The following LIPH variants were observed in gnomAD, a reference collection of about 807,000 sequenced individuals.
LIPH encodes lipase H, also known as lipase member H.
Under a neutral mutation model 47.6 loss-of-function variants are expected in LIPH, and 32 were observed. That is an observed-to-expected ratio of 0.67 (90% CI 0.51 to 0.90). The LOEUF (loss-of-function observed/expected upper bound fraction) is 0.90. LIPH is among the 40% of genes least tolerant of loss of function. The pLI is 0.00. For missense variants in LIPH, 497 were observed against 541.4 expected (o/e 0.92, Z 0.81); for synonymous variants, 190 against 195.6 (o/e 0.97, Z 0.24).
chr3:185,532,123 G>C (rs1193031230), intron 3 of LIPH, among the ~76,000 whole-genome samples: 1 of 152,146 alleles, frequency 6.6e-6, no homozygotes, highest in Non-Finnish European at 1.5e-5. Context: ...CCCCTCCCCA[G>C]GACAGACACC....
chr3:185,509,946 C>G (rs374752753), intron 9 of LIPH, among the ~76,000 whole-genome samples: 1 of 118,454 alleles, frequency 8.4e-6, no homozygotes, highest in East Asian at 2.5e-4. Context: ...TTTTTGTTTT[C>G]TTTTTTTTTT....
At position 185,507,356 on chromosome 3, in the gene LIPH, C is replaced by CAAAAA. The variant is rs564682297; in HGVS notation, c.*1429_*1433dup. The stretch of plus-strand genomic sequence containing the variant: ...CATTGCACTCCAGCCTAGGCAACTC[C>CAAAAA]AAAAAAAAAAAAAGAGAGAGAGAGT... On this transcript the variant is annotated 3_prime_UTR_variant, in exon 10 of 10. Coordinates refer to ENST00000296252, the MANE Select transcript of LIPH (RefSeq NM_139248.3). 7.8e-6 allele frequency: 1 copy of CAAAAA among 128,584 alleles called. No individual in the cohort carries two copies. 8.0% of individuals were successfully genotyped at this position (128,584 alleles called of 1,614,324 possible).
At chr3:185,513,721 T>G (rs1719639490) in intron 8 of LIPH, among the ~76,000 whole-genome samples, 1 of 152,122 alleles carries the variant, frequency 6.6e-6, no homozygotes, top group Non-Finnish European at 1.5e-5. Flanking sequence ...TATATGCATA[T>G]AATCAAATAT....
intron 1 of LIPH, among the ~76,000 whole-genome samples, chr3:185,538,971 T>A (rs186646568): frequency 1.2e-4 from 17 of 147,188 alleles, no homozygotes; most frequent in African/African-American, 2.5e-4. Flanking sequence ...ATATATATTT[T>A]TTTTTATTTT....
chr3:185,533,440 T>C, intron 3 of LIPH, 131 bp downstream of exon 3: 1 of 740,598 alleles, frequency 1.4e-6, no homozygotes. Context: ...TTGCATGCAA[T>C]GACCCACACT....
At chr3:185,545,094 G>A (rs999836484) in intron 1 of LIPH, among the ~76,000 whole-genome samples, 1 of 152,190 alleles carries the variant, frequency 6.6e-6, no homozygotes, top group Non-Finnish European at 1.5e-5. Context: ...CACAGAACAT[G>A]TTAAACTGGT....
At position 185,527,470 on chromosome 3, in the gene LIPH, G is replaced by T. The variant is rs369462467; in HGVS notation, c.628+14C>A. The T allele has an allele frequency of 6.3e-7, 1 of 1,579,744 alleles. No individual in the cohort carries two copies. Among genetic ancestry groups the T allele is most frequent in the South Asian group, 1.1e-5 (1 of 90,270 alleles). ...CCTGGCGGTGTCACTGACCCACAAGGAAAGGAGCGTTACCATCAGTGTCGG... is the reference window on the plus strand; with the variant it reads ...CCTGGCGGTGTCACTGACCCACAAGTAAAGGAGCGTTACCATCAGTGTCGG... On this transcript the variant is annotated intron_variant, in intron 4 of 9. Coordinates refer to ENST00000296252, the MANE Select transcript of LIPH (RefSeq NM_139248.3).
chr3:185,543,071 T>C (rs1021374702), intron 1 of LIPH, among the ~76,000 whole-genome samples: 1 of 152,042 alleles, frequency 6.6e-6, no homozygotes, highest in African/African-American at 2.4e-5. Flanking sequence ...TAGCTAGGCA[T>C]GGTTGTACAA....
In LIPH at chr3:185,524,079, A is replaced by G. The variant is rs1719988913; in HGVS notation, c.710T>C (p.Ile237Thr). The G allele has an allele frequency of 1.9e-6, 3 of 1,611,074 alleles. No homozygotes were observed. The East Asian group carries it at 6.7e-5, about 36-fold the overall frequency. Residue 237 changes from isoleucine (I) to threonine (T), a missense_variant, in exon 5 of 10, where the codon ATA becomes ACA. Transcript: ENST00000296252. ...GLDQPGCPKT[I>T]LGGFQYFKCD... ...AAAATATAAAGGCTTACCTCCCAATATTGTTTTGGGGCAGCCAGGTTGATC... is the reference window on the plus strand; with the variant it reads ...AAAATATAAAGGCTTACCTCCCAATGTTGTTTTGGGGCAGCCAGGTTGATC...
At chr3:185,519,836 C>CAAAAA (rs145391972) in intron 5 of LIPH, among the ~76,000 whole-genome samples, 1 of 53,830 alleles carries the variant, frequency 1.9e-5, no homozygotes, top group Non-Finnish European at 3.0e-5. Context: ...CACTCCATCT[C>CAAAAA]AAAAAAAAAA....
At chr3:185,549,210 C>A (rs1184931819) in intron 1 of LIPH, among the ~76,000 whole-genome samples, 1 of 152,162 alleles carries the variant, frequency 6.6e-6, no homozygotes, top group Non-Finnish European at 1.5e-5. Context: ...AGGATGCCCT[C>A]TTGATTGGAA....
intron 1 of LIPH, among the ~76,000 whole-genome samples, chr3:185,536,561 A>G (rs752323148): frequency 1.3e-5 from 2 of 152,208 alleles, no homozygotes; most frequent in Non-Finnish European, 2.9e-5. Context: ...CCCATCTTTA[A>G]TAACCTGAGT....
At chr3:185,526,867 T>C (rs1051649434) in intron 4 of LIPH, among the ~76,000 whole-genome samples, 51 of 152,232 alleles carry the variant, frequency 3.4e-4, no homozygotes, top group African/African-American at 1.0e-3. Flanking sequence ...AAATCATGCA[T>C]GCAAACCCAG....
intron 1 of LIPH, among the ~76,000 whole-genome samples, chr3:185,538,912 T>TATATACACATATACAC (rs1182667818): frequency 6.9e-6 from 1 of 145,752 alleles, no homozygotes; most frequent in African/African-American, 2.5e-5. Context: ...CATATACACA[T>TATATACACATATACAC]ATATACACAT....
intron 3 of LIPH, among the ~76,000 whole-genome samples, chr3:185,529,176 CAA>C (rs1173804674): frequency 5.5e-5 from 3 of 54,440 alleles, no homozygotes; most frequent in Non-Finnish European, 3.1e-5. Context: ...GACTCCGTCT[CAA>C]AAAAAAAAAA....
chr3:185,538,912 T>TATATACAC, intron 1 of LIPH, among the ~76,000 whole-genome samples: 1 of 145,752 alleles, frequency 6.9e-6, no homozygotes, highest in South Asian at 2.1e-4. Context: ...CATATACACA[T>TATATACAC]ATATACACAT....
chr3:185,538,906 TACAC>T (rs1720607856), intron 1 of LIPH, among the ~76,000 whole-genome samples: 7 of 58,536 alleles, frequency 1.2e-4, no homozygotes, highest in South Asian at 3.7e-4. Flanking sequence ...TATACACATA[TACAC>T]ATATATACAC....
rs1429145091 is a variant in LIPH, at chr3:185,529,946, GAAAGAAAGAAAGAAAGAAGGAAAGAA to G, written c.527-2387_527-2362del. ...AGAAAGAAAGAAAGAAAGAAAGAAA[GAAAGAAAGAAAGAAAGAAGGAAAGAA>G]AGAAAGAGAGAGAGAGAGAAAATAA... On this transcript the variant is annotated intron_variant, in intron 3 of 9. Transcript: ENST00000296252. Among the ~76,000 whole-genome samples, 30 of 53,952 alleles carry G rather than the reference GAAAGAAAGAAAGAAAGAAGGAAAGAA, an allele frequency of 5.6e-4. 1 individual carries two copies. In the South Asian group the frequency reaches 6.5e-3, roughly 12 times the overall value. The allele number at this position is 53,952 out of a possible 152,430, so 35.4% of individuals were successfully genotyped here.
intron 5 of LIPH, among the ~76,000 whole-genome samples, chr3:185,521,623 C>T (rs980350421): frequency 1.3e-5 from 2 of 152,206 alleles, no homozygotes; most frequent in East Asian, 3.8e-4. Context: ...AGAGACATGG[C>T]GGACACCTGC....
Sources: allele counts gnomAD v4.1 joint callset (sites outside exome capture counted in the v4.1 genomes callset), GRCh38; gene constraint gnomAD v4.1.1; transcripts MANE v1.5; gene names NCBI Gene and HGNC (gene_info 2026-07-23, HGNC 2026-07-21).